The following TRMT11 variants were observed in gnomAD, a reference collection of about 807,000 sequenced individuals.
The protein encoded by TRMT11 is tRNA (guanine(10)-N(2))-methyltransferase TRMT11.
Under a neutral mutation model 62.8 loss-of-function variants are expected in TRMT11, and 53 were observed. That is an observed-to-expected ratio of 0.84 (90% CI 0.68 to 1.06). TRMT11 has a LOEUF of 1.06. Ranked by LOEUF, TRMT11 falls within the 50% of genes least tolerant of loss-of-function variation. The pLI, the probability that TRMT11 is intolerant of heterozygous loss-of-function variation, is 0.00. For missense variants in TRMT11, 556 were observed against 553.4 expected, an observed-to-expected ratio of 1.00 and a Z score of -0.05; for synonymous variants, 188 against 190.3, an observed-to-expected ratio of 0.99 and a Z score of 0.10.
chr6:126,258,864 G>C, the TRMT11 span, among the ~76,000 whole-genome samples: 1 of 152,000 alleles, frequency 6.6e-6, no homozygotes, highest in African/African-American at 2.4e-5. Flanking sequence ...TACACGTGCA[G>C]GTTTGTTACA....
intron 17 of TRMT11, among the ~76,000 whole-genome samples, chr6:126,098,198 C>T (rs1234436236): frequency 6.6e-6 from 1 of 152,058 alleles, no homozygotes; most frequent in Non-Finnish European, 1.5e-5. Flanking sequence ...ACTCACTTCC[C>T]ACCTCTGATC....
chr6:126,011,372 C>A lies in TRMT11; in HGVS notation c.880C>A (p.Pro294Thr). Residue 294 changes from proline (P) to threonine (T), a missense_variant, in exon 9 of 13, where the codon CCT becomes ACT. Pro to Thr is a conservative substitution (Grantham distance 38, BLOSUM62 -1). Transcript: ENST00000334379. Reference sequence around the variant, plus strand: ...TGTCCTGGTTTCAGATGCATCTAAACCTTCCTGGAGGAAGGGCACATATTT... The same window carrying A: ...TGTCCTGGTTTCAGATGCATCTAAAACTTCCTGGAGGAAGGGCACATATTT... ...LDVLVSDASK[P>T]SWRKGTYFDA... 6.2e-7 allele frequency: 1 copy of A among 1,613,130 alleles called. No individual in the cohort carries two copies. The highest frequency in any genetic ancestry group is 8.5e-7 in the Non-Finnish European group (1 of 1,179,396).
intron 1 of TRMT11, among the ~76,000 whole-genome samples, chr6:125,993,451 C>T (rs181684577): frequency 2.6e-5 from 4 of 152,286 alleles, no homozygotes; most frequent in East Asian, 3.9e-4. Flanking sequence ...ATTCATCAAT[C>T]GTCAGTCTTA....
intron 16 of TRMT11, among the ~76,000 whole-genome samples, chr6:126,044,846 G>A (rs540574996): frequency 5.9e-5 from 9 of 151,720 alleles, no homozygotes; most frequent in Admixed American, 1.3e-4. Context: ...GCCTAATCTG[G>A]TCACTCTTCT....
At chr6:126,214,920 T>G in the TRMT11 span, among the ~76,000 whole-genome samples, 8 of 152,028 alleles carry the variant, frequency 5.3e-5, no homozygotes, top group Non-Finnish European at 8.8e-5. Flanking sequence ...GGTTTTGGTA[T>G]GTTTGGTTTC....
intron 21 of TRMT11, among the ~76,000 whole-genome samples, chr6:126,155,751 C>T (rs929455578): frequency 3.3e-5 from 5 of 152,176 alleles, no homozygotes; most frequent in Non-Finnish European, 5.9e-5. Flanking sequence ...GACGGAGTCT[C>T]GCTCTGTCAC....
At chr6:126,215,094 T>G in the TRMT11 span, among the ~76,000 whole-genome samples, 2 of 152,004 alleles carry the variant, frequency 1.3e-5, no homozygotes, top group Non-Finnish European at 2.9e-5. Context: ...AAAGACTTGT[T>G]TTGTTGCTCC....
At chr6:126,104,075 A>C (rs58714770) in intron 17 of TRMT11, among the ~76,000 whole-genome samples, 1 of 152,094 alleles carries the variant, frequency 6.6e-6, no homozygotes, top group Non-Finnish European at 1.5e-5. Flanking sequence ...TAGAAAACTG[A>C]TTCTGATCTC....
exon 1 of TRMT11, chr6:126,177,244 T>C (rs909308155): frequency 1.3e-5 from 2 of 152,208 alleles, no homozygotes; most frequent in Admixed American, 6.5e-5. Context: ...GACTGAATTG[T>C]AGTGCCATAA....
the TRMT11 span, chr6:126,257,868 G>A: frequency 2.4e-5 from 31 of 1,292,254 alleles, no homozygotes; most frequent in Non-Finnish European, 3.4e-5. Context: ...CTTGCTATGA[G>A]GTCGGGGGGA....
chr6:126,268,307 C>T, the TRMT11 span, among the ~76,000 whole-genome samples: 13 of 152,282 alleles, frequency 8.5e-5, no homozygotes, highest in Non-Finnish European at 1.5e-4. Flanking sequence ...CTGTGCAGAG[C>T]AGTGACATTC....
chr6:125,998,455 G>A, intron 5 of TRMT11, 95 bp from the exon 6 acceptor site: 3 of 1,383,402 alleles, frequency 2.2e-6, no homozygotes, highest in Non-Finnish European at 2.0e-6. Context: ...TTTATTTAAT[G>A]TTGACTCCAG....
chr6:126,192,103 G>T (rs1340633077), intron 1 of TRMT11, among the ~76,000 whole-genome samples: 1 of 151,870 alleles, frequency 6.6e-6, no homozygotes, highest in Non-Finnish European at 1.5e-5. Flanking sequence ...TCCATATTTT[G>T]GTGTCCTCTA....
chr6:126,191,212 T>C (rs1367937745), intron 1 of TRMT11, among the ~76,000 whole-genome samples: 1 of 152,186 alleles, frequency 6.6e-6, no homozygotes, highest in Admixed American at 6.5e-5. Flanking sequence ...CACTTTTTCA[T>C]ATACTTGTTG....
At chr6:126,022,614 C>G (rs1428312976) in intron 12 of TRMT11, among the ~76,000 whole-genome samples, 4 of 152,152 alleles carry the variant, frequency 2.6e-5, no homozygotes, top group African/African-American at 9.7e-5. Flanking sequence ...TTCCTAAAAA[C>G]ACTGCATTCA....
At chr6:126,101,254 A>G (rs1286975461) in intron 17 of TRMT11, among the ~76,000 whole-genome samples, 1 of 152,216 alleles carries the variant, frequency 6.6e-6, no homozygotes, top group Non-Finnish European at 1.5e-5. Flanking sequence ...GGCAGTTCCC[A>G]GAAAAGACGT....
At chr6:126,200,798 C>T (rs1459150097) in intron 3 of TRMT11, among the ~76,000 whole-genome samples, 2 of 152,186 alleles carry the variant, frequency 1.3e-5, no homozygotes, top group African/African-American at 4.8e-5. Flanking sequence ...TGTGATCCGC[C>T]TGCCTTAGCC....
At chr6:125,989,739 G>T (rs927467419) in intron 1 of TRMT11, among the ~76,000 whole-genome samples, 8 of 152,116 alleles carry the variant, frequency 5.3e-5, no homozygotes, top group Non-Finnish European at 1.2e-4. Flanking sequence ...ACTCTGTTCT[G>T]TTTTACACCC....
chr6:126,009,635 T>C (rs1793888867), intron 8 of TRMT11, among the ~76,000 whole-genome samples: 1 of 152,042 alleles, frequency 6.6e-6, no homozygotes, highest in Non-Finnish European at 1.5e-5. Context: ...ACCTGTCTTT[T>C]TCCCTACCTT....
Sources: gnomAD v4.1 joint callset for allele counts (sites outside exome capture counted in the v4.1 genomes callset) on GRCh38, gnomAD v4.1.1 for gene constraint, MANE v1.5 for transcripts, NCBI Gene and HGNC (gene_info 2026-07-23, HGNC 2026-07-21) for gene names.